Variants in MFN2 observed in about 807,000 individuals in gnomAD.
MFN2 encodes the protein mitofusin-2.
In MFN2, 43 loss-of-function variants were observed where a neutral mutation model predicts 87.5. The ratio of observed to expected loss-of-function variants is 0.49; its 90% confidence interval spans 0.38 to 0.63. The LOEUF (loss-of-function observed/expected upper bound fraction) is 0.63, where lower values mean the gene tolerates loss of function less well. MFN2 is among the 30% of genes least tolerant of loss of function. The pLI, the probability that MFN2 is intolerant of heterozygous loss-of-function variation, is 0.00. For missense variants in MFN2, 743 were observed against 972.8 expected (o/e 0.76, Z 3.14); for synonymous variants, 337 against 359.9 (o/e 0.94, Z 0.72).
Position 12,013,141 on chromosome 1 carries a change from C to T in MFN2, c.*1576C>T, listed in dbSNP as rs78523898. On this transcript the variant is annotated 3_prime_UTR_variant, in exon 19 of 19. Coordinates refer to ENST00000235329, the MANE Select transcript of MFN2 (RefSeq NM_014874.4). ...TGAATGGACAGGGGCCACTTCACAG[C>T]ATGTCAGGGAAAATCACTGTCACAC... The T allele has an allele frequency of 0.01, 3,521 of 348,630 alleles. 132 individuals are homozygous for T. The highest frequency in any genetic ancestry group is 0.07 in the African/African-American group (3,243 of 46,292). 21.6% of individuals were successfully genotyped at this position (348,630 alleles called of 1,614,324 possible). A position where few individuals can be genotyped will look rare whatever the true frequency, so the allele number is the denominator to read the frequency against.
Position 12,011,896 on chromosome 1 carries a change from C to T in MFN2, c.*331C>T, listed in dbSNP as rs2100875974. ...AAGGCCTCAGGATCTCAGCATTGCA[C>T]AATGCCTCATGGAAGCCTTTGAGGG... is the stretch of plus-strand genomic sequence containing the variant. On this transcript the variant is annotated 3_prime_UTR_variant, in exon 19 of 19. Transcript: ENST00000235329. 1 of 416,838 alleles carries T rather than the reference C, an allele frequency of 2.4e-6. No individual in the cohort carries two copies. The highest frequency in any genetic ancestry group is 2.5e-5 in the South Asian group (1 of 39,646). 25.8% of individuals were successfully genotyped at this position (416,838 alleles called of 1,614,324 possible). A position where few individuals can be genotyped will look rare whatever the true frequency, so the allele number is the denominator to read the frequency against.
At chr1:11,984,891 G>A (rs1015925097) in intron 2 of MFN2, among the ~76,000 whole-genome samples, 1 of 152,186 alleles carries the variant, frequency 6.6e-6, no homozygotes, top group South Asian at 2.1e-4. Flanking sequence ...TATCCTTTGC[G>A]ATATCCCTCA....
chr1:11,986,840 G>A (rs1638431735), intron 2 of MFN2, among the ~76,000 whole-genome samples: 1 of 151,704 alleles, frequency 6.6e-6, no homozygotes, highest in Admixed American at 6.6e-5. Context: ...GCCTCCCAAA[G>A]TGCAGGGATT....
At chr1:11,981,068 T>C (rs1255660179) in intron 1 of MFN2, among the ~76,000 whole-genome samples, 1 of 152,214 alleles carries the variant, frequency 6.6e-6, no homozygotes, top group African/African-American at 2.4e-5. Flanking sequence ...CATTGCCCTC[T>C]TTAAATTCTC....
At chr1:11,988,183 A>G (rs1415056934) in intron 2 of MFN2, among the ~76,000 whole-genome samples, 1 of 149,984 alleles carries the variant, frequency 6.7e-6, no homozygotes, top group Non-Finnish European at 1.5e-5. Context: ...GCTCACTGCA[A>G]CCTCCGCCTC....
In MFN2 at chr1:12,003,265, A is replaced by G. The variant is rs1460416764; in HGVS notation, c.1161-727A>G. ...CTCTTCAGAACAGCCGTACCCATTC[A>G]TTGCATGACCAGTACTGTCCATAGG... On this transcript the variant is annotated intron_variant, in intron 11 of 18. Coordinates refer to ENST00000235329, the MANE Select transcript of MFN2 (RefSeq NM_014874.4). The surrounding 1 kb of genome is among the most constrained non-coding windows in gnomAD (Gnocchi z 4.1). Among the ~76,000 whole-genome samples, 2 of 152,188 alleles carry G rather than the reference A, an allele frequency of 1.3e-5. No homozygotes were observed. Among genetic ancestry groups the G allele is most frequent in the African/African-American group, 4.8e-5 (2 of 41,450 alleles).
Position 11,998,785 on chromosome 1 carries a change from C to A in MFN2, c.615C>A (p.Val205=), listed in dbSNP as rs542446383. 6.2e-7 allele frequency: 1 copy of A among 1,614,170 alleles called. No homozygotes were observed. The highest frequency in any genetic ancestry group is 1.3e-5 in the African/African-American group (1 of 75,036). Reference sequence around the variant, plus strand: ...TCACCTTTAGCCCTGGTATTGATGTCACCACAGAGCTGGACAGCTGGATTG... The same window carrying A: ...TCACCTTTAGCCCTGGTATTGATGTAACCACAGAGCTGGACAGCTGGATTG... ...LVLMDSPGID[V]TTELDSWIDK... The change falls in exon 7 of 19, where the codon GTC becomes GTA. Residue 205 remains valine, a synonymous_variant. Coordinates refer to ENST00000235329, the MANE Select transcript of MFN2 (RefSeq NM_014874.4).
chr1:12,008,443 G>A (rs1209350841), intron 17 of MFN2, among the ~76,000 whole-genome samples: 9 of 142,936 alleles, frequency 6.3e-5, no homozygotes, highest in Admixed American at 1.3e-4. Flanking sequence ...CCTCCCTCCC[G>A]GACGGGGCGG....
Position 12,005,599 on chromosome 1 carries a change from A to T in MFN2, c.1496-112A>T, listed in dbSNP as rs1223547845. On this transcript the variant is annotated intron_variant, in intron 14 of 18. Coordinates refer to ENST00000235329, the MANE Select transcript of MFN2 (RefSeq NM_014874.4). Reference sequence around the variant, plus strand: ...TTGACTGGGGTGTGGTTCCCAGGCAAAGCTGTTCAGCATCCCTGGCAGTAG... The same window carrying T: ...TTGACTGGGGTGTGGTTCCCAGGCATAGCTGTTCAGCATCCCTGGCAGTAG... The T allele has an allele frequency of 2.6e-6, 3 of 1,145,952 alleles. No individual in the cohort carries two copies. The South Asian group carries it at 3.7e-5, about 14-fold the overall frequency. The allele number at this position is 1,145,952 out of a possible 1,614,324, so 71.0% of individuals were successfully genotyped here. A position where few individuals can be genotyped will look rare whatever the true frequency, so the allele number is the denominator to read the frequency against.
chr1:11,999,841 T>A (rs1427261761), intron 8 of MFN2, among the ~76,000 whole-genome samples: 1 of 147,738 alleles, frequency 6.8e-6, no homozygotes, highest in East Asian at 2.3e-4. Context: ...ACGCCTGTAA[T>A]CCCAGCACTT....
chr1:11,998,157 C>A (rs1231674941), intron 6 of MFN2, among the ~76,000 whole-genome samples: 1 of 151,554 alleles, frequency 6.6e-6, no homozygotes, highest in South Asian at 2.1e-4. Context: ...GCTGGGATTA[C>A]GGGCATGAGC....
At chr1:11,995,040 G>C (rs530517445) in intron 4 of MFN2, among the ~76,000 whole-genome samples, 1 of 152,134 alleles carries the variant, frequency 6.6e-6, no homozygotes, top group East Asian at 1.9e-4. Flanking sequence ...CCAGGAGTTT[G>C]AGACCAGCCT....
At position 12,013,213 on chromosome 1, in the gene MFN2, G is replaced by A. The variant is rs1639762246; in HGVS notation, c.*1648G>A. 2.9e-6 allele frequency: 1 copy of A among 341,572 alleles called. No individual in the cohort carries two copies. The highest frequency in any genetic ancestry group is 6.0e-6 in the Non-Finnish European group (1 of 167,652). 21.2% of individuals were successfully genotyped at this position (341,572 alleles called of 1,614,324 possible). ...CTTTTTGAAAAAAAAAAATTCTTTA[G>A]CGTAAACATGAATTTTTTTTCAATG... On this transcript the variant is annotated 3_prime_UTR_variant, in exon 19 of 19. Coordinates refer to ENST00000235329, the MANE Select transcript of MFN2 (RefSeq NM_014874.4).
Position 12,003,942 on chromosome 1 carries a change from C to T in MFN2, c.1161-50C>T. 6.2e-7 allele frequency: 1 copy of T among 1,613,436 alleles called. No individual in the cohort carries two copies. Among genetic ancestry groups the T allele is most frequent in the Non-Finnish European group, 8.5e-7 (1 of 1,179,556 alleles). On this transcript the variant is annotated intron_variant, in intron 11 of 18. Transcript: ENST00000235329. This position sits in a 1 kb window ranked among gnomAD's most constrained non-coding sequence, Gnocchi z 4.1. Reference sequence around the variant, plus strand: ...ATTTCTGGCATCCCCTCTTGCTCCTCTGCTTAGTCAGACAGGAACATGGAT... The same window carrying T: ...ATTTCTGGCATCCCCTCTTGCTCCTTTGCTTAGTCAGACAGGAACATGGAT...
intron 6 of MFN2, among the ~76,000 whole-genome samples, chr1:11,997,902 G>A (rs1457677659): frequency 6.8e-5 from 1 of 14,710 alleles, no homozygotes; most frequent in Non-Finnish European, 1.5e-4. Flanking sequence ...TTTTTTTTTT[G>A]AGACAGAGTC....
Position 11,998,817 on chromosome 1 carries a change from T to C in MFN2, c.647T>C (p.Phe216Ser), listed in dbSNP as rs387906990. 2.5e-5 allele frequency: 41 copies of C among 1,614,024 alleles called. No homozygotes were observed. The highest frequency in any genetic ancestry group is 3.1e-5 in the Non-Finnish European group (37 of 1,180,032). The change falls in exon 7 of 19, where the codon TTT becomes TCT. Residue 216 changes from phenylalanine (F) to serine (S), a missense_variant. Transcript: ENST00000235329. ...TTELDSWIDKFCLDADVFVLV... is the reference protein window; with the variant it reads ...TTELDSWIDKSCLDADVFVLV... ...GAGCTGGACAGCTGGATTGACAAGT[T>C]TTGTCTGGATGCTGATGTGTTTGTG...
intron 8 of MFN2, among the ~76,000 whole-genome samples, chr1:12,001,104 AG>A (rs1414638216): frequency 2.0e-5 from 3 of 152,052 alleles, no homozygotes; most frequent in Non-Finnish European, 4.4e-5. Flanking sequence ...CTCCGCCTCC[AG>A]GTTCAAGTGA....
chr1:11,990,081 G>C (rs1200837797), intron 3 of MFN2, among the ~76,000 whole-genome samples: 1 of 152,206 alleles, frequency 6.6e-6, no homozygotes, highest in East Asian at 1.9e-4. Context: ...GTGAACAGTG[G>C]TTTCAGATTC....
chr1:11,989,900 G>A (rs1193140509), intron 3 of MFN2, among the ~76,000 whole-genome samples: 1 of 152,200 alleles, frequency 6.6e-6, no homozygotes, highest in Admixed American at 6.5e-5. Flanking sequence ...CAGCAGAGAA[G>A]GACTGGTTCC....
Sources: allele counts gnomAD v4.1 joint callset (sites outside exome capture counted in the v4.1 genomes callset), GRCh38; gene constraint gnomAD v4.1.1; non-coding constraint Gnocchi (gnomAD v3.1); transcripts MANE v1.5; gene names NCBI Gene and HGNC (gene_info 2026-07-23, HGNC 2026-07-21).